The following APBB2 variants were observed in gnomAD, a reference collection of about 807,000 sequenced individuals.
APBB2 encodes Fe65-like 1.
A neutral mutation model predicts 82.5 loss-of-function variants in APBB2; 38 were observed. The ratio of observed to expected loss-of-function variants is 0.46; its 90% confidence interval spans 0.36 to 0.60. The LOEUF (loss-of-function observed/expected upper bound fraction) is 0.60, where lower values mean the gene tolerates loss of function less well. APBB2 is among the 20% of genes least tolerant of loss of function. The pLI, the probability that APBB2 is intolerant of heterozygous loss-of-function variation, is 0.00. For synonymous variants in APBB2, 341 were observed against 368.2 expected, an observed-to-expected ratio of 0.93 and a Z score of 0.85; for missense variants, 772 against 972.3, an observed-to-expected ratio of 0.79 and a Z score of 2.74.
intron 4 of APBB2, among the ~76,000 whole-genome samples, chr4:41,037,150 G>C (rs1293175340): frequency 6.6e-6 from 1 of 152,098 alleles, no homozygotes; most frequent in African/African-American, 2.4e-5. Context: ...AGTAGGTTTG[G>C]AACTTCTTAG....
intron 12 of APBB2, among the ~76,000 whole-genome samples, chr4:40,858,581 A>C (rs1762027666): frequency 6.6e-6 from 1 of 152,154 alleles, no homozygotes; most frequent in African/African-American, 2.4e-5. Flanking sequence ...ATACACATGG[A>C]AAATCAAGGG....
In APBB2 at chr4:41,141,845, A is replaced by T. The variant is rs544638291; in HGVS notation, c.-261+1142T>A. On this transcript the variant is annotated intron_variant, in intron 2 of 17. Coordinates refer to ENST00000508593, the MANE Select transcript of APBB2 (RefSeq NM_004307.2). ...ACTCATTACCTATCACAAGAACGGC[A>T]CAGGAAAACCCCACCCCCATAATTC... 1.4e-4 allele frequency among the ~76,000 whole-genome samples: 21 copies of T among 152,320 alleles called. No individual in the cohort carries two copies. The South Asian group carries it at 4.4e-3, about 32-fold the overall frequency.
At chr4:40,874,170 A>C (rs1456305652) in intron 12 of APBB2, among the ~76,000 whole-genome samples, 1 of 152,232 alleles carries the variant, frequency 6.6e-6, no homozygotes, top group Non-Finnish European at 1.5e-5. Context: ...ATATGATTCT[A>C]TCTGATTTAA....
At chr4:41,020,793 A>G (rs1328685759) in intron 5 of APBB2, among the ~76,000 whole-genome samples, 1 of 152,190 alleles carries the variant, frequency 6.6e-6, no homozygotes, top group African/African-American at 2.4e-5. Context: ...TACAATCCCA[A>G]ATAGACTCTG....
chr4:40,999,506 G>T (rs1804561883), intron 6 of APBB2, among the ~76,000 whole-genome samples: 1 of 152,158 alleles, frequency 6.6e-6, no homozygotes, highest in African/African-American at 2.4e-5. Context: ...AGGCACTAAG[G>T]ATATGGCAGG....
intron 6 of APBB2, among the ~76,000 whole-genome samples, chr4:40,977,582 G>A (rs1327195336): frequency 6.6e-6 from 1 of 152,012 alleles, no homozygotes; most frequent in Non-Finnish European, 1.5e-5. Flanking sequence ...CAAAGTGCTG[G>A]GTTTACAGGT....
intron 2 of APBB2, among the ~76,000 whole-genome samples, chr4:41,112,238 C>T (rs997515826): frequency 6.6e-6 from 1 of 152,144 alleles, no homozygotes; most frequent in African/African-American, 2.4e-5. Context: ...CCCAAAGCAC[C>T]CGACCTCTCT....
intron 4 of APBB2, among the ~76,000 whole-genome samples, chr4:41,060,543 C>T (rs937010330): frequency 6.6e-6 from 1 of 152,054 alleles, no homozygotes; most frequent in African/African-American, 2.4e-5. Flanking sequence ...GAGCAACTAC[C>T]GTAGATATAA....
chr4:40,972,253 C>A (rs367661760), intron 6 of APBB2, among the ~76,000 whole-genome samples: 1 of 151,800 alleles, frequency 6.6e-6, no homozygotes, highest in South Asian at 2.1e-4. Context: ...AAGGTGAAAC[C>A]CCGTCTCCAC....
At chr4:41,138,838 A>G (rs1302698093) in intron 2 of APBB2, among the ~76,000 whole-genome samples, 1 of 152,188 alleles carries the variant, frequency 6.6e-6, no homozygotes, top group Non-Finnish European at 1.5e-5. Context: ...AATACTAGCA[A>G]AGTCATACAC....
chr4:40,970,561 A>G (rs1410364024), intron 6 of APBB2, among the ~76,000 whole-genome samples: 1 of 152,090 alleles, frequency 6.6e-6, no homozygotes, highest in Non-Finnish European at 1.5e-5. Flanking sequence ...ATTCTACTTC[A>G]GCAATGGTCT....
intron 6 of APBB2, 143 bp from the exon 7 acceptor site, chr4:40,945,216 T>C: frequency 3.0e-6 from 2 of 664,202 alleles, no homozygotes; most frequent in Admixed American, 2.2e-5. Flanking sequence ...GTGAAATCCA[T>C]CCATACTGAT....
intron 1 of APBB2, among the ~76,000 whole-genome samples, chr4:41,172,927 G>A (rs1256378057): frequency 6.6e-6 from 1 of 152,172 alleles, no homozygotes; most frequent in Non-Finnish European, 1.5e-5. Flanking sequence ...ATCAAGAAAG[G>A]AAATGCTTCT....
chr4:41,091,561 T>G (rs185986929), intron 3 of APBB2, among the ~76,000 whole-genome samples: 341 of 152,280 alleles, frequency 2.2e-3, no homozygotes, highest in Non-Finnish European at 4.0e-3. Context: ...GCATCCCTAC[T>G]TCCTTCTTGA....
chr4:41,207,343 T>G (rs573407679), intron 1 of APBB2, among the ~76,000 whole-genome samples: 2 of 151,922 alleles, frequency 1.3e-5, no homozygotes, highest in South Asian at 4.2e-4. Context: ...CCTCCAGCAA[T>G]TCAAGGCTCA....
At chr4:40,976,353 AT>A (rs1797170095) in intron 6 of APBB2, among the ~76,000 whole-genome samples, 1 of 152,332 alleles carries the variant, frequency 6.6e-6, no homozygotes, top group Admixed American at 6.5e-5. Flanking sequence ...GCAATGTATA[AT>A]TTACTGTAAA....
intron 12 of APBB2, among the ~76,000 whole-genome samples, chr4:40,885,671 T>C (rs1482757800): frequency 6.6e-6 from 1 of 152,242 alleles, no homozygotes; most frequent in Non-Finnish European, 1.5e-5. Flanking sequence ...CCACTTATAA[T>C]ATTCATTAAA....
rs140129572 is a variant in APBB2, at chr4:40,921,727, C to T, written c.1254+12729G>A. ...TCTAGGTTGCAATCTCATCTGAGCT[C>T]GTAACTGAAAAAAGCATGGCTCTCA... On this transcript the variant is annotated intron_variant, in intron 10 of 17. Coordinates refer to ENST00000508593, the MANE Select transcript of APBB2 (RefSeq NM_004307.2). Among the ~76,000 whole-genome samples the T allele has an allele frequency of 6.4e-3, 982 of 152,320 alleles. 14 individuals are homozygous for T. Among genetic ancestry groups the T allele is most frequent in the African/African-American group, 0.022 (925 of 41,572 alleles).
In APBB2 at chr4:41,030,088, G is replaced by A. The variant is rs372101447; in HGVS notation, c.19+3148C>T. Among the ~76,000 whole-genome samples the A allele has an allele frequency of 7.2e-5, 11 of 152,214 alleles. No homozygotes were observed. The South Asian group carries it at 1.2e-3, about 17-fold the overall frequency. ...GGAGAATCACTTGAACCCGGGGGGC[G>A]AAGGTTGCAGTGAGCTGAGGTCGCA... On this transcript the variant is annotated intron_variant, in intron 5 of 17. Coordinates refer to ENST00000508593, the MANE Select transcript of APBB2 (RefSeq NM_004307.2).
Sources: gnomAD v4.1 joint callset for allele counts (sites outside exome capture counted in the v4.1 genomes callset) on GRCh38, gnomAD v4.1.1 for gene constraint, MANE v1.5 for transcripts, NCBI Gene and HGNC (gene_info 2026-07-23, HGNC 2026-07-21) for gene names.